MORC2: variants seen among roughly 807,000 people sequenced by gnomAD.
MORC2 encodes the protein ATPase MORC2.
A neutral mutation model predicts 136.0 loss-of-function variants in MORC2; 30 were observed. The observed-to-expected ratio is 0.22, with a 90% CI of 0.17 to 0.30. The LOEUF is 0.30. MORC2 is among the 10% of genes least tolerant of loss of function. The probability of loss-of-function intolerance (pLI) is 1.00; values close to 1 mark genes in which losing one functional copy is unlikely to be tolerated. For missense variants in MORC2, 922 were observed against 1,333.1 expected (o/e 0.69, Z 4.80); for synonymous variants, 439 against 487.0 (o/e 0.90, Z 1.30).
At chr22:30,958,813 A>T in intron 1 of MORC2, 119 bp from the exon 2 acceptor site, 2 of 856,370 alleles carry the variant, frequency 2.3e-6, no homozygotes. Flanking sequence ...CACCATTTGC[A>T]TTGTTTTTAT....
Position 30,946,334 on chromosome 22 carries a change from G to A in MORC2, c.426+7C>T. ...CTGGTGATGCAGACCACGATGATGG[G>A]ACCTACTTCATCAATGCCTTCTTCC... On this transcript the variant is annotated splice_region_variant and intron_variant, in intron 6 of 25. Coordinates refer to ENST00000397641, the MANE Select transcript of MORC2 (RefSeq NM_001303256.3). The A allele has an allele frequency of 1.2e-6, 2 of 1,600,260 alleles. No individual in the cohort carries two copies.
At chr22:30,930,829 C>T (rs1291803996) in intron 24 of MORC2, among the ~76,000 whole-genome samples, 4 of 152,172 alleles carry the variant, frequency 2.6e-5, no homozygotes, top group South Asian at 2.1e-4. Flanking sequence ...CCCTGGCCTC[C>T]CCCTCCCTCC....
rs565729735 is a variant in MORC2 at position 30,942,393 on chromosome 22, C to G, written c.427-122G>C. 7 of 1,112,876 alleles carry G rather than the reference C, an allele frequency of 6.3e-6. 1 individual carries two copies. In the Admixed American group the frequency reaches 1.6e-4, roughly 26 times the overall value. 68.9% of individuals were successfully genotyped at this position (1,112,876 alleles called of 1,614,324 possible). On this transcript the variant is annotated intron_variant, in intron 6 of 25. Coordinates refer to ENST00000397641, the MANE Select transcript of MORC2 (RefSeq NM_001303256.3). ...CACTGCCCTGTAGGTGAGGCCCAAG[C>G]TCCACAGCCTGGCACCAGAGGCTCT...
Position 30,941,299 on chromosome 22 carries a change from G to A in MORC2, c.824+134C>T. The A allele has an allele frequency of 7.6e-7, 1 of 1,311,328 alleles. No individual in the cohort carries two copies. Among genetic ancestry groups the A allele is most frequent in the Non-Finnish European group, 1.0e-6 (1 of 976,560 alleles). 81.2% of individuals were successfully genotyped at this position (1,311,328 alleles called of 1,614,324 possible). ...AGAACTGACCCTGTGACCAATCACAGGCAACTTAAAGTCCCAAACGTAGTC... is the reference window on the plus strand; with the variant it reads ...AGAACTGACCCTGTGACCAATCACAAGCAACTTAAAGTCCCAAACGTAGTC... On this transcript the variant is annotated intron_variant, in intron 9 of 25. Transcript: ENST00000397641. The surrounding 1 kb of genome is among the most constrained non-coding windows in gnomAD (Gnocchi z 4.6).
At position 30,938,224 on chromosome 22, in the gene MORC2, T is replaced by C; in HGVS notation, c.1074-19A>G. ...AAGTGCTCTAAGAAGACAAAAAAAC[T>C]CAAGCAGATCTACACATCGGCACAC... On this transcript the variant is annotated intron_variant, in intron 12 of 25. Coordinates refer to ENST00000397641, the MANE Select transcript of MORC2 (RefSeq NM_001303256.3). 1.5e-6 allele frequency: 2 copies of C among 1,373,144 alleles called. No individual in the cohort carries two copies. Among genetic ancestry groups the C allele is most frequent in the South Asian group, 2.0e-5 (1 of 51,222 alleles). 85.1% of individuals were successfully genotyped at this position (1,373,144 alleles called of 1,614,324 possible). A position where few individuals can be genotyped will look rare whatever the true frequency, so the allele number is the denominator to read the frequency against.
Position 30,940,030 on chromosome 22 carries a change from C to A in MORC2, c.916G>T (p.Ala306Ser), listed in dbSNP as rs1320772373. The A allele has an allele frequency of 7.4e-6, 12 of 1,613,702 alleles. No individual in the cohort carries two copies. Among genetic ancestry groups the A allele is most frequent in the Non-Finnish European group, 1.0e-5 (12 of 1,180,032 alleles). ...EHVARIAEEK[A>S]REAESKARTL... ...CGAGCTTTGCTCTCTGCCTCCCGCG[C>A]CTTCTCTTCAGCTGAAACCCAGAAG... is the stretch of plus-strand genomic sequence containing the variant. Residue 306 changes from alanine (A) to serine (S), a missense_variant, in exon 11 of 26, where the codon GCG becomes TCG. Transcript: ENST00000397641.
chr22:30,935,368 A>G (rs773346532), intron 17 of MORC2, 46 bp from the exon 18 acceptor site: 2 of 1,567,416 alleles, frequency 1.3e-6, no homozygotes, highest in South Asian at 2.3e-5. Flanking sequence ...ATTTTAGTAT[A>G]CTTGAGCAAA....
chr22:30,927,962 C>G lies in MORC2; in HGVS notation c.3030+57G>C, dbSNP rs117768869. 1,904 of 1,588,938 alleles carry G rather than the reference C, an allele frequency of 1.2e-3. 34 individuals are homozygous for G. In the East Asian group the frequency reaches 0.038, roughly 32 times the overall value. Reference sequence around the variant, plus strand: ...TGTGAGAACAGGAACAGGGCCCAGGCCCCCCTCCCTGAGAGACCAGGTGGT... The same window carrying G: ...TGTGAGAACAGGAACAGGGCCCAGGGCCCCCTCCCTGAGAGACCAGGTGGT... On this transcript the variant is annotated intron_variant, in intron 25 of 25. Transcript: ENST00000397641.
intron 4 of MORC2, 24 bp downstream of exon 4, chr22:30,950,353 C>CCCCAAAAA: frequency 1.3e-6 from 2 of 1,481,958 alleles, no homozygotes; most frequent in Non-Finnish European, 1.9e-6. Context: ...CCCCACCCCC[C>CCCCAAAAA]AAAACAATAA....
intron 1 of MORC2, among the ~76,000 whole-genome samples, chr22:30,961,293 T>C (rs2041041620): frequency 6.6e-6 from 1 of 152,126 alleles, no homozygotes; most frequent in South Asian, 2.1e-4. Context: ...AATTACCAAC[T>C]AAATAAACAA....
At chr22:30,951,162 G>C (rs1260354908) in intron 3 of MORC2, among the ~76,000 whole-genome samples, 1 of 152,214 alleles carries the variant, frequency 6.6e-6, no homozygotes, top group Non-Finnish European at 1.5e-5. Context: ...ATGGTCCTTT[G>C]ACAATAAGAT....
In MORC2 at chr22:30,935,082, G is replaced by A. The variant is rs1218394103; in HGVS notation, c.1892C>T (p.Ser631Phe). ...GCTGGCTGGTCTAGGAGTTGGCAAA[G>A]AAGGGGGTCTGCTGGGGGCGTTCCT... ...VIRNAPSRPP[S>F]LPTPRPASQP... The change falls in exon 19 of 26, where the codon TCT becomes TTT. Residue 631 changes from serine to phenylalanine, a missense_variant. Ser to Phe is a radical substitution (Grantham distance 155). Transcript: ENST00000397641. 2 of 1,613,850 alleles carry A rather than the reference G, an allele frequency of 1.2e-6. No homozygotes were observed. The highest frequency in any genetic ancestry group is 1.7e-6 in the Non-Finnish European group (2 of 1,180,028).
In MORC2 at chr22:30,932,624, C is replaced by T. The variant is rs201090445; in HGVS notation, c.2668G>A (p.Glu890Lys). The change falls in exon 23 of 26, where the codon GAA (glutamate) becomes AAA (lysine). Residue 890 changes from glutamate (E) to lysine (K), a missense_variant. Coordinates refer to ENST00000397641, the MANE Select transcript of MORC2 (RefSeq NM_001303256.3). This position sits in a 1 kb window ranked among gnomAD's most constrained non-coding sequence, Gnocchi z 4.4. ...GTGTCAGGCTCAATGCGGAGGCATT[C>T]GGAAGTGGAGGGCTCTGCGACAGCT... ...AIAVAEPSTS[E>K]CLRIEPDTTA... The T allele has an allele frequency of 3.1e-5, 50 of 1,614,162 alleles. No homozygotes were observed. Among genetic ancestry groups the T allele is most frequent in the Non-Finnish European group, 3.8e-5 (45 of 1,180,036 alleles).
rs1411346881 is a variant in MORC2 at position 30,968,648 on chromosome 22, G to A, written c.-759C>T. Reference sequence around the variant, plus strand: ...TCAGACAACAGCCTCAGCCTCCCAGGCCCTTCCCGGGCCTCGGTCCCGTGG... The same window carrying A: ...TCAGACAACAGCCTCAGCCTCCCAGACCCTTCCCGGGCCTCGGTCCCGTGG... On this transcript the variant is annotated 5_prime_UTR_variant, in exon 1 of 26. Transcript: ENST00000397641. Among the ~76,000 whole-genome samples, 1 of 151,980 alleles carries A rather than the reference G, an allele frequency of 6.6e-6. No individual in the cohort carries two copies. The highest frequency in any genetic ancestry group is 1.5e-5 in the Non-Finnish European group (1 of 67,988).
chr22:30,956,895 G>T, intron 2 of MORC2, 98 bp from the exon 3 acceptor site: 2 of 973,876 alleles, frequency 2.1e-6, no homozygotes, highest in Non-Finnish European at 3.0e-6. Flanking sequence ...TTTTGAGTCT[G>T]TTTTCAGGAA....
At chr22:30,942,862 G>A (rs1002564853) in intron 6 of MORC2, among the ~76,000 whole-genome samples, 9 of 151,982 alleles carry the variant, frequency 5.9e-5, no homozygotes, top group Non-Finnish European at 1.2e-4. Context: ...AAAATTAGCC[G>A]GGCGTGGCAG....
chr22:30,932,979 C>T lies in MORC2; in HGVS notation c.2432G>A (p.Arg811His), dbSNP rs1163301326. Residue 811 changes from arginine to histidine, a missense_variant, in exon 22 of 26, where the codon CGT (arginine) becomes CAT (histidine). Coordinates refer to ENST00000397641, the MANE Select transcript of MORC2 (RefSeq NM_001303256.3). The surrounding 1 kb of genome is among the most constrained non-coding windows in gnomAD (Gnocchi z 4.4). ...CTTGCCCACCTCCACGGCTGTGACA[C>T]GGCCCGTGTACCACTCCCTGTTCAC... is the stretch of plus-strand genomic sequence containing the variant. ...VRVNREWYTG[R>H]VTAVEVGKHV... The T allele has an allele frequency of 2.5e-6, 4 of 1,614,054 alleles. No homozygotes were observed. Among genetic ancestry groups the T allele is most frequent in the East Asian group, 2.2e-5 (1 of 44,882 alleles).
At chr22:30,950,184 T>C (rs142168703) in intron 4 of MORC2, among the ~76,000 whole-genome samples, 193 bp downstream of exon 4, 82 of 152,304 alleles carry the variant, frequency 5.4e-4, no homozygotes, top group African/African-American at 1.9e-3. Flanking sequence ...CTATCTCCCA[T>C]GTTAGGACAA....
chr22:30,931,626 C>T (rs1430420607), intron 24 of MORC2, among the ~76,000 whole-genome samples: 1 of 152,200 alleles, frequency 6.6e-6, no homozygotes. Context: ...GAAGCCCCCA[C>T]CTCAAACACT....
Sources: allele counts gnomAD v4.1 joint callset (sites outside exome capture counted in the v4.1 genomes callset), GRCh38; gene constraint gnomAD v4.1.1; non-coding constraint Gnocchi (gnomAD v3.1); transcripts MANE v1.5; gene names NCBI Gene and HGNC (gene_info 2026-07-23, HGNC 2026-07-21).